RAPGEF2: variants seen among roughly 807,000 people sequenced by gnomAD.
RAPGEF2 encodes PDZ domain containing guanine nucleotide exchange factor (GEF) 1.
Under a neutral mutation model 186.7 loss-of-function variants are expected in RAPGEF2, and 54 were observed. That is an observed-to-expected ratio of 0.29 (90% CI 0.23 to 0.36). RAPGEF2 has a LOEUF of 0.36. Ranked by LOEUF, RAPGEF2 falls within the 10% of genes least tolerant of loss-of-function variation. The pLI is 1.00. For missense variants in RAPGEF2, 1,532 were observed against 2,045.0 expected, an observed-to-expected ratio of 0.75 and a Z score of 4.84; for synonymous variants, 712 against 705.9, an observed-to-expected ratio of 1.01 and a Z score of -0.14.
chr4:159,295,588 G>C (rs1761839510), intron 7 of RAPGEF2, among the ~76,000 whole-genome samples: 1 of 152,042 alleles, frequency 6.6e-6, no homozygotes, highest in Non-Finnish European at 1.5e-5. Context: ...TGAGGTCTCA[G>C]ATAAACATTT....
chr4:159,158,191 T>TC (rs781707980), intron 1 of RAPGEF2, among the ~76,000 whole-genome samples: 1 of 152,210 alleles, frequency 6.6e-6, no homozygotes, highest in African/African-American at 2.4e-5. Flanking sequence ...GAGGCAATAG[T>TC]CCTCTTAATT....
intron 25 of RAPGEF2, among the ~76,000 whole-genome samples, chr4:159,347,797 A>T (rs1730554607): frequency 1.3e-5 from 2 of 152,240 alleles, no homozygotes; most frequent in South Asian, 4.1e-4. Flanking sequence ...AAAGAAAAAG[A>T]AGAACATCTA....
At chr4:159,208,366 G>T (rs1180720774) in intron 3 of RAPGEF2, among the ~76,000 whole-genome samples, 1 of 152,178 alleles carries the variant, frequency 6.6e-6, no homozygotes, top group Non-Finnish European at 1.5e-5. Flanking sequence ...TGGTTCATGG[G>T]GATCTGAGAG....
chr4:159,204,619 G>A lies in RAPGEF2; in HGVS notation c.198-5881G>A, dbSNP rs186362646. Among the ~76,000 whole-genome samples, 47 of 152,242 alleles carry A rather than the reference G, an allele frequency of 3.1e-4. 1 individual carries two copies. The highest frequency in any genetic ancestry group is 8.5e-4 in the Admixed American group (13 of 15,294). On this transcript the variant is annotated intron_variant, in intron 3 of 29. Transcript: ENST00000691494. ...TCTGTATTTGGTTTTGTTTGGCCTC[G>A]TTAATTTCCTTCCTGTTGATGAAAA...
rs557377338 is a variant in RAPGEF2 at position 159,313,156 on chromosome 4, CAAAAAG to C, written c.676-1431_676-1426del. On this transcript the variant is annotated intron_variant, in intron 8 of 29. Transcript: ENST00000691494. The stretch of plus-strand genomic sequence containing the variant: ...GAGCAAGACTCTGTCTCAAAAAAAA[CAAAAAG>C]AAAGAAAGAAAAAGAAAATAGCACA... Among the ~76,000 whole-genome samples, 1,368 of 145,152 alleles carry C rather than the reference CAAAAAG, an allele frequency of 9.4e-3. 17 individuals carry two copies. The highest frequency in any genetic ancestry group is 0.032 in the African/African-American group (1,271 of 40,094).
At chr4:159,175,859 T>G (rs541563391) in intron 1 of RAPGEF2, among the ~76,000 whole-genome samples, 1 of 152,362 alleles carries the variant, frequency 6.6e-6, no homozygotes, top group South Asian at 2.1e-4. Flanking sequence ...CCACCACCCC[T>G]GCAGGAATGT....
chr4:159,237,305 G>C (rs1469805338), intron 4 of RAPGEF2, among the ~76,000 whole-genome samples: 2 of 152,164 alleles, frequency 1.3e-5, no homozygotes, highest in African/African-American at 2.4e-5. Context: ...ACAAGCAGGT[G>C]CCATCGCGCG....
chr4:159,248,233 C>G (rs1209053599), intron 7 of RAPGEF2, among the ~76,000 whole-genome samples: 1 of 151,994 alleles, frequency 6.6e-6, no homozygotes, highest in African/African-American at 2.4e-5. Flanking sequence ...GCAGATTATT[C>G]TTTAATCCAG....
Position 159,126,996 on chromosome 4 carries a change from G to A in RAPGEF2, c.69+22765G>A, listed in dbSNP as rs1740389228. Among the ~76,000 whole-genome samples the A allele has an allele frequency of 3.3e-5, 5 of 152,252 alleles. 1 individual carries two copies. The South Asian group carries it at 1.0e-3, about 32-fold the overall frequency. ...AAAGAGGTAACTGTGGTTTGTGGATGAAAACATTTGTTTATTTGCATTTTT... is the reference window on the plus strand; with the variant it reads ...AAAGAGGTAACTGTGGTTTGTGGATAAAAACATTTGTTTATTTGCATTTTT... On this transcript the variant is annotated intron_variant, in intron 1 of 29. Coordinates refer to ENST00000691494, the MANE Select transcript of RAPGEF2 (RefSeq NM_001394067.2).
intron 1 of RAPGEF2, among the ~76,000 whole-genome samples, chr4:159,124,428 A>C (rs552383160): frequency 6.6e-6 from 1 of 151,912 alleles, no homozygotes; most frequent in Non-Finnish European, 1.5e-5. Flanking sequence ...AGTCCCAGCT[A>C]CTCGGGAAGC....
chr4:159,308,289 A>G (rs1190195321), intron 8 of RAPGEF2, among the ~76,000 whole-genome samples: 1 of 152,240 alleles, frequency 6.6e-6, no homozygotes, highest in Non-Finnish European at 1.5e-5. Flanking sequence ...ACAGGCAGAT[A>G]GCCTGTAAGT....
In RAPGEF2 at chr4:159,322,028, CATA is replaced by C. The variant is rs3840266; in HGVS notation, c.854-311_854-309del. Among the ~76,000 whole-genome samples the C allele has an allele frequency of 9.8e-3, 1,489 of 152,308 alleles. 10 individuals are homozygous for C. The highest frequency in any genetic ancestry group is 0.029 in the East Asian group (151 of 5,190). On this transcript the variant is annotated intron_variant, in intron 9 of 29. Transcript: ENST00000691494. ...CAGAGCTACCTTTCATTTCCACTCTCATAATAATAAGCCTTATATCTCATTTAC... is the reference window on the plus strand; with the variant it reads ...CAGAGCTACCTTTCATTTCCACTCTCATAATAAGCCTTATATCTCATTTAC...
At chr4:159,202,327 ATT>A (rs1233666194) in intron 3 of RAPGEF2, among the ~76,000 whole-genome samples, 2 of 151,880 alleles carry the variant, frequency 1.3e-5, no homozygotes, top group Non-Finnish European at 2.9e-5. Flanking sequence ...CTTGTTTCAT[ATT>A]TTGTCAGGAT....
chr4:159,142,572 C>T (rs943272511), intron 1 of RAPGEF2, among the ~76,000 whole-genome samples: 20 of 149,688 alleles, frequency 1.3e-4, no homozygotes, highest in African/African-American at 4.2e-4. Flanking sequence ...AAACCAAGAA[C>T]GTTTATTGCT....
At chr4:159,332,399 C>T in intron 16 of RAPGEF2, 52 bp from the exon 17 acceptor site, 2 of 1,553,838 alleles carry the variant, frequency 1.3e-6, no homozygotes, top group Admixed American at 3.6e-5. Flanking sequence ...TAGAATTGTT[C>T]AGATATCTTA....
At chr4:159,291,711 C>G (rs1048765618) in intron 7 of RAPGEF2, among the ~76,000 whole-genome samples, 1 of 151,860 alleles carries the variant, frequency 6.6e-6, no homozygotes, top group African/African-American at 2.4e-5. Flanking sequence ...CAAATGATAA[C>G]TTAGAATAGA....
chr4:159,356,242 C>T, intron 29 of RAPGEF2, 84 bp downstream of exon 29: 1 of 1,349,804 alleles, frequency 7.4e-7, no homozygotes, highest in Non-Finnish European at 1.0e-6. Flanking sequence ...GTTCTCTTAA[C>T]ACTGCAGTCA....
At chr4:159,117,877 A>G (rs2111084631) in intron 1 of RAPGEF2, among the ~76,000 whole-genome samples, 1 of 152,270 alleles carries the variant, frequency 6.6e-6, no homozygotes, top group Non-Finnish European at 1.5e-5. Flanking sequence ...CACAAGCCTC[A>G]TTTAAGAAAG....
chr4:159,205,300 A>G (rs535251500), intron 3 of RAPGEF2, among the ~76,000 whole-genome samples: 1 of 152,248 alleles, frequency 6.6e-6, no homozygotes, highest in African/African-American at 2.4e-5. Flanking sequence ...TAGGTGATTC[A>G]TTTGCACATC....
Sources: gnomAD v4.1 joint callset for allele counts (sites outside exome capture counted in the v4.1 genomes callset) on GRCh38, gnomAD v4.1.1 for gene constraint, MANE v1.5 for transcripts, NCBI Gene and HGNC (gene_info 2026-07-23, HGNC 2026-07-21) for gene names.